Variants in POLR3E observed in about 807,000 individuals in gnomAD.
The protein encoded by POLR3E is DNA-directed RNA polymerase III subunit RPC5.
A neutral mutation model predicts 96.6 loss-of-function variants in POLR3E; 41 were observed. The observed-to-expected ratio is 0.42, with a 90% CI of 0.33 to 0.55. The LOEUF (loss-of-function observed/expected upper bound fraction) is 0.55. Among genes scored for constraint, POLR3E ranks in the 20% least tolerant of loss-of-function variants. POLR3E has a pLI of 0.06. For missense variants in POLR3E, 849 were observed against 952.1 expected, an observed-to-expected ratio of 0.89 and a Z score of 1.43; for synonymous variants, 396 against 383.6, an observed-to-expected ratio of 1.03 and a Z score of -0.38.
rs367658797 is a variant in POLR3E, at chr16:22,313,768, A to G, written c.472+41A>G. ...CCAGCCCTGCTGCCTGCCTGCCTTC[A>G]TCCTGGTGGGATGGCTTGGTCCTGG... On this transcript the variant is annotated intron_variant, in intron 7 of 20. Coordinates refer to ENST00000299853, the MANE Select transcript of POLR3E (RefSeq NM_018119.4). This position sits in a 1 kb window ranked among gnomAD's most constrained non-coding sequence, Gnocchi z 4.1. 2.9e-6 allele frequency: 4 copies of G among 1,363,282 alleles called. No individual in the cohort carries two copies. The highest frequency in any genetic ancestry group is 1.2e-5 in the South Asian group (1 of 85,984). 84.4% of individuals were successfully genotyped at this position (1,363,282 alleles called of 1,614,324 possible).
rs1218645563 is a variant in POLR3E, at chr16:22,319,423, G to C, written c.986+477G>C. ...TTTTTTTGTTTTTTTTTTTGAGACA[G>C]AGTCTCGCTCTGTCCCACAGGCTGG... On this transcript the variant is annotated intron_variant, in intron 13 of 20. Transcript: ENST00000299853. 1.3e-5 allele frequency among the ~76,000 whole-genome samples: 2 copies of C among 150,428 alleles called. 1 individual carries two copies. The highest frequency in any genetic ancestry group is 3.9e-4 in the East Asian group (2 of 5,086).
chr16:22,307,011 C>T lies in POLR3E; in HGVS notation c.88-1137C>T, dbSNP rs1473296888. ...GGGCCTGTCCTGTGTGCCTGCTCACCCTGTTTCCTTGACTGGCTGCAAAGT... is the reference window on the plus strand; with the variant it reads ...GGGCCTGTCCTGTGTGCCTGCTCACTCTGTTTCCTTGACTGGCTGCAAAGT... On this transcript the variant is annotated intron_variant, in intron 3 of 20. Transcript: ENST00000299853. 2.6e-5 allele frequency among the ~76,000 whole-genome samples: 4 copies of T among 152,194 alleles called. No homozygotes were observed. The East Asian group carries it at 7.7e-4, about 29-fold the overall frequency.
chr16:22,312,809 C>T (rs1206400086), intron 6 of POLR3E, among the ~76,000 whole-genome samples: 1 of 138,156 alleles, frequency 7.2e-6, no homozygotes, highest in African/African-American at 2.8e-5. Context: ...GGAGGTTGCA[C>T]TGAGCCGAGA....
intron 5 of POLR3E, 59 bp from the exon 6 acceptor site, chr16:22,309,369 C>A: frequency 1.6e-6 from 2 of 1,282,708 alleles, no homozygotes; most frequent in Non-Finnish European, 1.1e-6. Context: ...TGCGCTGTGG[C>A]CACAGGCCCT....
At chr16:22,325,131 G>A in intron 16 of POLR3E, 74 bp from the exon 17 acceptor site, 3 of 1,138,654 alleles carry the variant, frequency 2.6e-6, no homozygotes, top group Non-Finnish European at 2.7e-6. Flanking sequence ...GGGGCCTAAG[G>A]GGTGGTTGTT....
At chr16:22,317,665 G>GTT (rs757872526) in intron 12 of POLR3E, among the ~76,000 whole-genome samples, 189 of 140,832 alleles carry the variant, frequency 1.3e-3, no homozygotes, top group African/African-American at 4.8e-3. Context: ...TGTTGTTGTT[G>GTT]TTTTTTTTTT....
chr16:22,324,639 T>A lies in POLR3E; in HGVS notation c.1265T>A (p.Leu422Gln). Residue 422 changes from leucine (L) to glutamine (Q), a missense_variant, in exon 16 of 21, where the codon CTG (leucine) becomes CAG (glutamine). Leu to Gln is a moderately radical substitution (Grantham distance 113). Transcript: ENST00000299853. ...GATGTGGTCCAGCGGCAGCACATGCTGTGGACGGGTATCCAGGCCAAGTAA... is the reference window on the plus strand; with the variant it reads ...GATGTGGTCCAGCGGCAGCACATGCAGTGGACGGGTATCCAGGCCAAGTAA... Reference protein sequence around the residue: ...HPDVVQRQHMLWTGIQAKLEK... With the variant: ...HPDVVQRQHMQWTGIQAKLEK... 1 of 1,613,846 alleles carries A rather than the reference T, an allele frequency of 6.2e-7. No homozygotes were observed. The highest frequency in any genetic ancestry group is 8.5e-7 in the Non-Finnish European group (1 of 1,179,952).
In POLR3E at chr16:22,321,762, G is replaced by A. The variant is rs867960494; in HGVS notation, c.987-1088G>A. ...CCCTTTTAGTTTCGCCCTGTCCTGG[G>A]GACTGGAAGGTAGGGACTTGGGGAC... is the stretch of plus-strand genomic sequence containing the variant. On this transcript the variant is annotated intron_variant, in intron 13 of 20. Coordinates refer to ENST00000299853, the MANE Select transcript of POLR3E (RefSeq NM_018119.4). Among the ~76,000 whole-genome samples the A allele has an allele frequency of 1.4e-4, 21 of 152,326 alleles. No homozygotes were observed. In the Middle Eastern group the frequency reaches 0.017, roughly 123 times the overall value.
At chr16:22,308,248 G>T in intron 4 of POLR3E, 23 bp downstream of exon 4, 5 of 1,588,726 alleles carry the variant, frequency 3.1e-6, no homozygotes, top group Middle Eastern at 1.7e-4. Context: ...CCTGAGGGCA[G>T]TTGGGGCCGA....
intron 9 of POLR3E, 23 bp from the exon 10 acceptor site, chr16:22,316,578 C>T (rs750163053): frequency 6.2e-7 from 1 of 1,600,646 alleles, no homozygotes; most frequent in Non-Finnish European, 8.6e-7. Context: ...AGGCTCCTCT[C>T]ACACCCTGCC....
chr16:22,310,653 T>C (rs2048228517), intron 6 of POLR3E, among the ~76,000 whole-genome samples: 1 of 145,274 alleles, frequency 6.9e-6, no homozygotes, highest in Non-Finnish European at 1.5e-5. Flanking sequence ...AAAAAGCATA[T>C]AGCCGGGTGT....
At chr16:22,302,712 G>T (rs994617012) in intron 1 of POLR3E, 5 of 542,964 alleles carry the variant, frequency 9.2e-6, no homozygotes, top group Non-Finnish European at 1.6e-5. Flanking sequence ...TGGTCTACCC[G>T]CTTGCACCCG....
At chr16:22,305,234 G>A in intron 3 of POLR3E, 28 bp downstream of exon 3, 9 of 1,552,164 alleles carry the variant, frequency 5.8e-6, no homozygotes, top group Non-Finnish European at 8.0e-6. Flanking sequence ...AGGTAAAGAG[G>A]GGAGAAGCAG....
chr16:22,302,049 G>A (rs1236255442), intron 1 of POLR3E, among the ~76,000 whole-genome samples: 1 of 150,744 alleles, frequency 6.6e-6, no homozygotes, highest in African/African-American at 2.5e-5. Context: ...GGTATGTGAA[G>A]GGGCAGACCA....
chr16:22,302,162 C>T (rs1279100701), intron 1 of POLR3E, among the ~76,000 whole-genome samples: 1 of 152,102 alleles, frequency 6.6e-6, no homozygotes, highest in Non-Finnish European at 1.5e-5. Context: ...CTCTCTTCTT[C>T]CAGGCGCACC....
Position 22,333,904 on chromosome 16 carries a change from G to A in POLR3E, c.*204G>A, listed in dbSNP as rs1598283572. ...GCTTAAGTTAGTTAGATCACTCCCAGAAGAGACCAGCTGGGACCTTCTTTG... is the reference window on the plus strand; with the variant it reads ...GCTTAAGTTAGTTAGATCACTCCCAAAAGAGACCAGCTGGGACCTTCTTTG... On this transcript the variant is annotated 3_prime_UTR_variant, in exon 21 of 21. Transcript: ENST00000299853. The A allele has an allele frequency of 2.1e-6, 1 of 483,032 alleles. No individual in the cohort carries two copies. The highest frequency in any genetic ancestry group is 3.0e-5 in the East Asian group (1 of 33,388). 29.9% of individuals were successfully genotyped at this position (483,032 alleles called of 1,614,324 possible). A position where few individuals can be genotyped will look rare whatever the true frequency, so the allele number is the denominator to read the frequency against.
At position 22,315,297 on chromosome 16, in the gene POLR3E, G is replaced by A. The variant is rs1175895335; in HGVS notation, c.642+89G>A. 2.9e-6 allele frequency: 4 copies of A among 1,383,244 alleles called. No individual in the cohort carries two copies. In the East Asian group the frequency reaches 1.0e-4, roughly 35 times the overall value. The allele number at this position is 1,383,244 out of a possible 1,614,324, so 85.7% of individuals were successfully genotyped here. A position where few individuals can be genotyped will look rare whatever the true frequency, so the allele number is the denominator to read the frequency against. On this transcript the variant is annotated intron_variant, in intron 9 of 20. Coordinates refer to ENST00000299853, the MANE Select transcript of POLR3E (RefSeq NM_018119.4). ...CCTCCGTGTCTCACCTTGAACTTAA[G>A]TCAAATTCATGAGTCATAGCCACAG...
chr16:22,330,092 G>GCT (rs1056941105), intron 19 of POLR3E, among the ~76,000 whole-genome samples: 3 of 146,726 alleles, frequency 2.0e-5, no homozygotes, highest in Admixed American at 1.4e-4. Flanking sequence ...ATAGCGTCTT[G>GCT]CTCTTGCTCT....
In POLR3E at chr16:22,328,744, CA is replaced by C; in HGVS notation, c.1944+161del. 4 of 648,334 alleles carry C rather than the reference CA, an allele frequency of 6.2e-6. No homozygotes were observed. In the South Asian group the frequency reaches 7.0e-5, roughly 11 times the overall value. The allele number at this position is 648,334 out of a possible 1,614,324, so 40.2% of individuals were successfully genotyped here. A position where few individuals can be genotyped will look rare whatever the true frequency, so the allele number is the denominator to read the frequency against. On this transcript the variant is annotated intron_variant, in intron 19 of 20. Coordinates refer to ENST00000299853, the MANE Select transcript of POLR3E (RefSeq NM_018119.4). ...ATCCTGCTCCAACTCTGTACGCTAA[CA>C]AAATAAGCTGTATGTGCCAATAGTT... is the stretch of plus-strand genomic sequence containing the variant.
Sources: allele counts gnomAD v4.1 joint callset (sites outside exome capture counted in the v4.1 genomes callset), GRCh38; gene constraint gnomAD v4.1.1; non-coding constraint Gnocchi (gnomAD v3.1); transcripts MANE v1.5; gene names NCBI Gene and HGNC (gene_info 2026-07-23, HGNC 2026-07-21).